Variants in FKBP5 observed in about 807,000 individuals in gnomAD.
The protein encoded by FKBP5 is peptidyl-prolyl cis-trans isomerase FKBP5.
In FKBP5, 23 loss-of-function variants were observed where a neutral mutation model predicts 50.5. The observed-to-expected ratio is 0.46, with a 90% confidence interval of 0.33 to 0.65. The LOEUF is 0.65. Among genes scored for constraint, FKBP5 ranks in the 30% least tolerant of loss-of-function variants. The probability of loss-of-function intolerance (pLI) is 0.02; values close to 1 mark genes in which losing one functional copy is unlikely to be tolerated. For synonymous variants in FKBP5, 176 were observed against 190.6 expected (o/e 0.92, Z 0.63); for missense variants, 411 against 553.1 (o/e 0.74, Z 2.58).
In FKBP5 at chr6:35,620,314, A is replaced by G. The variant is rs756725303; in HGVS notation, c.251-40T>C. On this transcript the variant is annotated intron_variant, in intron 3 of 10. Transcript: ENST00000357266. ...AAGGTAGTTGAAAGCTATAAGCCCT[A>G]TTTAAAAAGATTTAACTTTCATAAA... 2.5e-6 allele frequency: 4 copies of G among 1,577,878 alleles called. No individual in the cohort carries two copies. The South Asian group carries it at 4.6e-5, about 18-fold the overall frequency.
chr6:35,604,836 G>T (rs1340760941), intron 5 of FKBP5, among the ~76,000 whole-genome samples: 1 of 151,786 alleles, frequency 6.6e-6, no homozygotes, highest in Non-Finnish European at 1.5e-5. Context: ...TGTTGCCCAG[G>T]CTGGAGTGCA....
chr6:35,619,380 C>T lies in FKBP5; in HGVS notation c.394-170G>A, dbSNP rs1056198521. ...GAAAAGTAGCAAAAAAAAAAAAACCCACTATACTTTTCCATACTTGGAAAG... is the reference window on the plus strand; with the variant it reads ...GAAAAGTAGCAAAAAAAAAAAAACCTACTATACTTTTCCATACTTGGAAAG... On this transcript the variant is annotated intron_variant, in intron 4 of 10. Coordinates refer to ENST00000357266, the MANE Select transcript of FKBP5 (RefSeq NM_004117.4). 6.0e-5 allele frequency among the ~76,000 whole-genome samples: 9 copies of T among 150,636 alleles called. 1 individual carries two copies. The South Asian group carries it at 1.7e-3, about 28-fold the overall frequency.
intron 7 of FKBP5, 91 bp from the exon 8 acceptor site, chr6:35,587,208 A>G: frequency 1.7e-6 from 2 of 1,171,488 alleles, no homozygotes; most frequent in Non-Finnish European, 2.5e-6. Context: ...ATTCTAGAAG[A>G]TACTCCAAAC....
In FKBP5 at chr6:35,580,019, A is replaced by T. The variant is rs371713676; in HGVS notation, c.1026+17T>A. 1 of 1,601,856 alleles carries T rather than the reference A, an allele frequency of 6.2e-7. No homozygotes were observed. Among genetic ancestry groups the T allele is most frequent in the African/African-American group, 1.3e-5 (1 of 74,688 alleles). ...CTGGAGTATCTAAAGTCCATCTCAC[A>T]GGAGACACGATGTTACCTTGTCACA... On this transcript the variant is annotated intron_variant, in intron 9 of 10. Transcript: ENST00000357266.
At chr6:35,576,768 T>A (rs554683486) in intron 10 of FKBP5, among the ~76,000 whole-genome samples, 89 of 152,246 alleles carry the variant, frequency 5.8e-4, no homozygotes, top group African/African-American at 2.0e-3. Context: ...TGAACCAATC[T>A]AATACATCTG....
At chr6:35,688,099 A>G (rs921549758) in intron 1 of FKBP5, among the ~76,000 whole-genome samples, 4 of 152,256 alleles carry the variant, frequency 2.6e-5, no homozygotes, top group Non-Finnish European at 4.4e-5. Context: ...ATCACCTGTT[A>G]GACGGCGCTG....
rs894536051 is a variant in FKBP5, at chr6:35,574,513, C to T, written c.*1322G>A. 1.3e-5 allele frequency: 2 copies of T among 152,180 alleles called. No homozygotes were observed. The highest frequency in any genetic ancestry group is 1.3e-4 in the Admixed American group (2 of 15,286). 9.4% of individuals were successfully genotyped at this position (152,180 alleles called of 1,614,324 possible). A position where few individuals can be genotyped will look rare whatever the true frequency, so the allele number is the denominator to read the frequency against. On this transcript the variant is annotated 3_prime_UTR_variant, in exon 11 of 11. Coordinates refer to ENST00000357266, the MANE Select transcript of FKBP5 (RefSeq NM_004117.4). ...TACACATTTAAGACTTGCCCTAGTT[C>T]AATGGTCAGCTCAAGTACTGGAGAT... is the stretch of plus-strand genomic sequence containing the variant.
At chr6:35,706,125 T>A (rs1581897447) in intron 2 of FKBP5, among the ~76,000 whole-genome samples, 1 of 148,692 alleles carries the variant, frequency 6.7e-6, no homozygotes, top group East Asian at 2.0e-4. Flanking sequence ...ACAAATAGTT[T>A]AGAAATACAT....
intron 1 of FKBP5, among the ~76,000 whole-genome samples, chr6:35,687,213 G>A (rs1000230070): frequency 6.6e-6 from 1 of 152,016 alleles, no homozygotes; most frequent in African/African-American, 2.4e-5. Context: ...AAAAAAACTG[G>A]GTAACTAAAT....
Position 35,669,284 on chromosome 6 carries a change from T to G in FKBP5, c.-20+19520A>C, listed in dbSNP as rs141748559. 2.1e-3 allele frequency among the ~76,000 whole-genome samples: 326 copies of G among 152,338 alleles called. 3 individuals carry two copies. The highest frequency in any genetic ancestry group is 0.019 in the Admixed American group (293 of 15,306). On this transcript the variant is annotated intron_variant, in intron 1 of 10. Transcript: ENST00000357266. ...ACATCCTTGAGGAATTCAATTGATG[T>G]GCCAGCTGTTTTGTTTCTTGAAAGA...
At chr6:35,657,224 A>G (rs1339694294) in intron 1 of FKBP5, among the ~76,000 whole-genome samples, 2 of 152,204 alleles carry the variant, frequency 1.3e-5, no homozygotes, top group African/African-American at 4.8e-5. Context: ...CAAGTAAAAA[A>G]AAGAAAAAAG....
chr6:35,704,916 C>T lies in FKBP5; in HGVS notation c.-20+15412G>A, dbSNP rs572371028. Among the ~76,000 whole-genome samples, 909 of 151,342 alleles carry T rather than the reference C, an allele frequency of 6.0e-3. 8 individuals are homozygous for T. Among genetic ancestry groups the T allele is most frequent in the African/African-American group, 0.02 (828 of 41,252 alleles). Reference sequence around the variant, plus strand: ...CAGCACTTTGGGAGGCCGAGGCGGGCGGATCACGAGGTCAGGAAATCGAGA... The same window carrying T: ...CAGCACTTTGGGAGGCCGAGGCGGGTGGATCACGAGGTCAGGAAATCGAGA... On this transcript the variant is annotated intron_variant, in intron 2 of 11. Coordinates refer to the FKBP5 transcript ENST00000536438.
At chr6:35,653,914 T>G (rs1428453406) in intron 1 of FKBP5, among the ~76,000 whole-genome samples, 2 of 151,916 alleles carry the variant, frequency 1.3e-5, no homozygotes, top group African/African-American at 4.8e-5. Flanking sequence ...AACATGGAAT[T>G]CCATGAATAA....
intron 9 of FKBP5, among the ~76,000 whole-genome samples, chr6:35,578,691 T>C (rs1263332025): frequency 6.7e-6 from 1 of 149,958 alleles, no homozygotes; most frequent in Non-Finnish European, 1.5e-5. Context: ...TCGCTTGAAC[T>C]CGGGAGGTGG....
At chr6:35,697,654 T>G (rs1318679404) in intron 2 of FKBP5, among the ~76,000 whole-genome samples, 1 of 152,086 alleles carries the variant, frequency 6.6e-6, no homozygotes, top group Non-Finnish European at 1.5e-5. Flanking sequence ...TCATATTATA[T>G]GATTACATTC....
At chr6:35,716,727 ACC>A (rs1766519033) in intron 2 of FKBP5, among the ~76,000 whole-genome samples, 1 of 151,804 alleles carries the variant, frequency 6.6e-6, no homozygotes, top group Non-Finnish European at 1.5e-5. Context: ...CGCAAACATT[ACC>A]CCCTGCTTGG....
intron 8 of FKBP5, chr6:35,584,845 C>T: frequency 3.0e-6 from 3 of 985,282 alleles, no homozygotes; most frequent in Non-Finnish European, 3.6e-6. Context: ...AGATTTTATC[C>T]AAAGATTGGT....
At chr6:35,633,307 AT>A (rs1217664798) in intron 3 of FKBP5, among the ~76,000 whole-genome samples, 2 of 152,038 alleles carry the variant, frequency 1.3e-5, no homozygotes, top group African/African-American at 4.8e-5. Flanking sequence ...CTTTGGGAGG[AT>A]AAGGCAGGCG....
chr6:35,689,256 T>C (rs923803082), upstream of FKBP5, among the ~76,000 whole-genome samples: 1 of 152,114 alleles, frequency 6.6e-6, no homozygotes, highest in Non-Finnish European at 1.5e-5. Flanking sequence ...TGACTTCCCA[T>C]CTGTATCGTC....
Sources: allele counts gnomAD v4.1 joint callset (sites outside exome capture counted in the v4.1 genomes callset), GRCh38; gene constraint gnomAD v4.1.1; transcripts MANE v1.5; gene names NCBI Gene and HGNC (gene_info 2026-07-23, HGNC 2026-07-21).